The following SBF2 variants were observed in gnomAD, a reference collection of about 807,000 sequenced individuals.
SBF2 encodes the protein myotubularin-related protein 13.
SBF2 carries 112 observed loss-of-function variants against 225.2 expected under a neutral mutation model. That is an observed-to-expected ratio of 0.50 (90% CI 0.43 to 0.58). SBF2 has a LOEUF of 0.58. Ranked by LOEUF, SBF2 falls within the 20% of genes least tolerant of loss-of-function variation. The pLI, the probability that SBF2 is intolerant of heterozygous loss-of-function variation, is 0.00. For missense variants in SBF2, 1,996 were observed against 2,206.2 expected (o/e 0.90, Z 1.91); for synonymous variants, 763 against 773.3 (o/e 0.99, Z 0.22).
intron 32 of SBF2, among the ~76,000 whole-genome samples, chr11:9,799,680 T>C (rs1348626633): frequency 6.6e-6 from 1 of 152,222 alleles, no homozygotes; most frequent in Non-Finnish European, 1.5e-5. Flanking sequence ...TCTTCCATCA[T>C]GTAAGAAGAA....
intron 6 of SBF2, among the ~76,000 whole-genome samples, chr11:10,025,544 A>G (rs1949019306): frequency 1.3e-5 from 2 of 152,128 alleles, no homozygotes. Flanking sequence ...TTTCTCCTGG[A>G]TCATGGCTTG....
At chr11:10,258,432 T>A (rs189438790) in intron 1 of SBF2, among the ~76,000 whole-genome samples, 1 of 152,196 alleles carries the variant, frequency 6.6e-6, no homozygotes, top group African/African-American at 2.4e-5. Context: ...GTAAAGATAT[T>A]AAGCAGAGTT....
chr11:10,163,190 A>C (rs947692074), intron 2 of SBF2, among the ~76,000 whole-genome samples: 1 of 152,184 alleles, frequency 6.6e-6, no homozygotes, highest in Non-Finnish European at 1.5e-5. Flanking sequence ...AGTGGGCAAT[A>C]AACATTTTCA....
At chr11:9,877,727 C>T (rs1590302868) in intron 17 of SBF2, among the ~76,000 whole-genome samples, 1 of 152,178 alleles carries the variant, frequency 6.6e-6, no homozygotes, top group African/African-American at 2.4e-5. Flanking sequence ...GACATGAACG[C>T]ATCCTTTTTT....
intron 17 of SBF2, among the ~76,000 whole-genome samples, chr11:9,869,904 A>G (rs1208790791): frequency 6.6e-6 from 1 of 152,206 alleles, no homozygotes; most frequent in Non-Finnish European, 1.5e-5. Flanking sequence ...AAAGAGAGGA[A>G]GTCAAATTAT....
chr11:9,941,013 A>G (rs140792333), intron 16 of SBF2, among the ~76,000 whole-genome samples: 8 of 152,374 alleles, frequency 5.3e-5, no homozygotes, highest in African/African-American at 1.7e-4. Context: ...TATAATTAGA[A>G]ATTAAAAATA....
chr11:10,174,261 G>GA lies in SBF2; in HGVS notation c.141+19640dup, dbSNP rs565905643. Among the ~76,000 whole-genome samples, 247 of 152,232 alleles carry GA rather than the reference G, an allele frequency of 1.6e-3. 1 individual carries two copies. The highest frequency in any genetic ancestry group is 0.014 in the South Asian group (68 of 4,820). On this transcript the variant is annotated intron_variant, in intron 2 of 39. Coordinates refer to ENST00000256190, the MANE Select transcript of SBF2 (RefSeq NM_030962.4). Reference sequence around the variant, plus strand: ...CAAAGGCAAAGAAGTTGAAAACTGTGAAAAAAGTTTAGAAGAATGTATAAC... The same window carrying GA: ...CAAAGGCAAAGAAGTTGAAAACTGTGAAAAAAAGTTTAGAAGAATGTATAAC...
chr11:10,063,262 A>T (rs1238442826), intron 2 of SBF2, among the ~76,000 whole-genome samples: 1 of 151,518 alleles, frequency 6.6e-6, no homozygotes, highest in Non-Finnish European at 1.5e-5. Flanking sequence ...TGTACAACAA[A>T]CCCCCGACAC....
At chr11:10,260,818 T>C (rs1188972549) in intron 1 of SBF2, among the ~76,000 whole-genome samples, 2 of 151,400 alleles carry the variant, frequency 1.3e-5, no homozygotes, top group African/African-American at 2.4e-5. Flanking sequence ...GAGTCTGACA[T>C]TGCAGTAGCT....
chr11:9,862,986 C>T (rs1050004998), intron 17 of SBF2, among the ~76,000 whole-genome samples: 1 of 151,966 alleles, frequency 6.6e-6, no homozygotes, highest in African/African-American at 2.4e-5. Flanking sequence ...ACAATATTTA[C>T]ATTTCATAAT....
At chr11:10,185,602 G>C (rs1458248563) in intron 2 of SBF2, among the ~76,000 whole-genome samples, 1 of 149,052 alleles carries the variant, frequency 6.7e-6, no homozygotes, top group Non-Finnish European at 1.5e-5. Flanking sequence ...CTGCAAATGT[G>C]AGCCACTGTG....
chr11:9,788,850 C>T (rs1211360360), intron 35 of SBF2, among the ~76,000 whole-genome samples: 2 of 151,708 alleles, frequency 1.3e-5, no homozygotes, highest in Non-Finnish European at 2.9e-5. Flanking sequence ...TGTGATCTGC[C>T]CGCCTCAGCC....
chr11:10,065,075 T>C lies in SBF2; in HGVS notation c.142-22094A>G, dbSNP rs989518241. ...AATGATTTAAACAATATAAAATATG[T>C]TCTCATGTCAAAGGGAATTAAATTA... On this transcript the variant is annotated intron_variant, in intron 2 of 39. Transcript: ENST00000256190. 5.3e-5 allele frequency among the ~76,000 whole-genome samples: 8 copies of C among 152,054 alleles called. No individual in the cohort carries two copies. The East Asian group carries it at 1.5e-3, about 29-fold the overall frequency.
intron 1 of SBF2, among the ~76,000 whole-genome samples, chr11:10,241,223 C>T (rs934291353): frequency 1.3e-5 from 2 of 152,158 alleles, no homozygotes; most frequent in East Asian, 3.9e-4. Flanking sequence ...TGTGGTGGCA[C>T]ACGCCTGTAC....
chr11:9,778,865 C>A lies in SBF2; in HGVS notation c.*1553G>T, dbSNP rs920837748. 6.6e-6 allele frequency: 1 copy of A among 152,560 alleles called. No homozygotes were observed. The highest frequency in any genetic ancestry group is 1.5e-5 in the Non-Finnish European group (1 of 68,036). 9.5% of individuals were successfully genotyped at this position (152,560 alleles called of 1,614,324 possible). ...ATGCCTTCACGAAAGTTAAAGTAAT[C>A]CAGTTACAAAAGAAGCACTGTGTAT... On this transcript the variant is annotated 3_prime_UTR_variant, in exon 40 of 40. Transcript: ENST00000256190.
intron 17 of SBF2, among the ~76,000 whole-genome samples, chr11:9,864,140 T>C (rs1258225052): frequency 6.6e-6 from 1 of 152,198 alleles, no homozygotes; most frequent in Non-Finnish European, 1.5e-5. Context: ...ATTTACAGAA[T>C]AGTGAGTAAT....
At chr11:10,225,479 G>C (rs989485440) in intron 1 of SBF2, among the ~76,000 whole-genome samples, 1 of 151,420 alleles carries the variant, frequency 6.6e-6, no homozygotes, top group East Asian at 1.9e-4. Flanking sequence ...CTAAATCCTA[G>C]ACAAGGGCTG....
intron 16 of SBF2, among the ~76,000 whole-genome samples, chr11:9,933,337 C>T (rs1332919011): frequency 1.3e-5 from 2 of 152,144 alleles, no homozygotes; most frequent in African/African-American, 4.8e-5. Flanking sequence ...ACTCTCCACC[C>T]CAAATCAACA....
intron 16 of SBF2, chr11:9,959,331 G>T (rs1866405653): frequency 3.9e-6 from 3 of 776,440 alleles, no homozygotes; most frequent in South Asian, 2.7e-5. Flanking sequence ...AGTTAAGATG[G>T]ACCCTGGGGC....
Sources: allele counts gnomAD v4.1 joint callset (sites outside exome capture counted in the v4.1 genomes callset), GRCh38; gene constraint gnomAD v4.1.1; transcripts MANE v1.5; gene names NCBI Gene and HGNC (gene_info 2026-07-23, HGNC 2026-07-21).